Variants in NRG3 observed in about 807,000 individuals in gnomAD.
NRG3 encodes the protein pro-neuregulin-3, membrane-bound isoform.
A neutral mutation model predicts 66.9 loss-of-function variants in NRG3; 31 were observed. That is an observed-to-expected ratio of 0.46 (90% CI 0.35 to 0.63). NRG3 has a LOEUF of 0.63. Ranked by LOEUF, NRG3 falls within the 20% of genes least tolerant of loss-of-function variation. The pLI is 0.00. For synonymous variants in NRG3, 393 were observed against 359.4 expected (o/e 1.09, Z -1.06); for missense variants, 910 against 878.9 (o/e 1.04, Z -0.45).
chr10:82,437,730 TTTG>T (rs1170167836), intron 2 of NRG3, among the ~76,000 whole-genome samples: 3 of 152,100 alleles, frequency 2.0e-5, no homozygotes, highest in South Asian at 2.1e-4. Context: ...GTGGGGGCTT[TTTG>T]TTGTTGTTGT....
intron 1 of NRG3, among the ~76,000 whole-genome samples, chr10:81,934,241 T>C (rs1847655413): frequency 6.6e-6 from 1 of 152,192 alleles, no homozygotes. Context: ...GTGTATGAAA[T>C]CTTCAGTCAA....
intron 2 of NRG3, among the ~76,000 whole-genome samples, chr10:82,706,402 AT>A (rs2056291584): frequency 6.6e-6 from 1 of 152,196 alleles, no homozygotes. Context: ...TGGAGTAATT[AT>A]TTACAAATGT....
intron 3 of NRG3, among the ~76,000 whole-genome samples, chr10:82,864,230 C>T (rs2064300122): frequency 6.6e-6 from 1 of 152,096 alleles, no homozygotes; most frequent in African/African-American, 2.4e-5. Context: ...GCAAAAACCA[C>T]AATTACTTTT....
At chr10:82,600,230 A>T (rs1014032957) in intron 2 of NRG3, among the ~76,000 whole-genome samples, 1 of 152,196 alleles carries the variant, frequency 6.6e-6, no homozygotes, top group South Asian at 2.1e-4. Flanking sequence ...CACAGCTAGA[A>T]ATCTGCACTC....
intron 2 of NRG3, among the ~76,000 whole-genome samples, chr10:82,542,212 T>G (rs1162869253): frequency 6.6e-6 from 1 of 152,158 alleles, no homozygotes; most frequent in East Asian, 1.9e-4. Context: ...CTGAGGATGA[T>G]GGTTTCCAGC....
intron 1 of NRG3, among the ~76,000 whole-genome samples, chr10:82,130,030 C>A (rs1029235736): frequency 1.3e-5 from 2 of 151,844 alleles, no homozygotes; most frequent in African/African-American, 4.8e-5. Context: ...TAGTAACCAT[C>A]ATTCTACTCT....
rs1463795573 is a variant in NRG3, at chr10:81,958,581, T to C, written c.823+82418T>C. The stretch of plus-strand genomic sequence containing the variant: ...AGTGAAAAAATTTTACTCATATGCG[T>C]AAAGTACAGATATACATATAACACA... On this transcript the variant is annotated intron_variant, in intron 1 of 8. Transcript: ENST00000372141. 3.9e-5 allele frequency among the ~76,000 whole-genome samples: 6 copies of C among 152,146 alleles called. No individual in the cohort carries two copies. The East Asian group carries it at 9.6e-4, about 24-fold the overall frequency.
chr10:82,000,550 C>T (rs1293714513), intron 1 of NRG3, among the ~76,000 whole-genome samples: 2 of 152,164 alleles, frequency 1.3e-5, no homozygotes, highest in Non-Finnish European at 2.9e-5. Context: ...CCATGTCCCA[C>T]ACATCAGGAA....
intron 2 of NRG3, among the ~76,000 whole-genome samples, chr10:82,453,837 TGC>T (rs2091145896): frequency 3.3e-5 from 5 of 152,200 alleles, no homozygotes; most frequent in African/African-American, 1.2e-4. Context: ...AATTTGATGA[TGC>T]TTCTAAAGGG....
chr10:82,411,095 T>C (rs1456840064), intron 2 of NRG3, among the ~76,000 whole-genome samples: 1 of 152,136 alleles, frequency 6.6e-6, no homozygotes, highest in Admixed American at 6.6e-5. Context: ...TTTGTATTTT[T>C]AGTACGGACA....
At chr10:81,984,233 G>T (rs2060439171) in intron 1 of NRG3, among the ~76,000 whole-genome samples, 1 of 152,150 alleles carries the variant, frequency 6.6e-6, no homozygotes, top group African/African-American at 2.4e-5. Context: ...TTAAGCCACT[G>T]AAGGTTGTGG....
At chr10:82,249,763 C>A (rs756985346) in intron 1 of NRG3, among the ~76,000 whole-genome samples, 1 of 152,204 alleles carries the variant, frequency 6.6e-6, no homozygotes, top group Non-Finnish European at 1.5e-5. Context: ...ATTATCAGAA[C>A]ACTACTGGCT....
At chr10:81,883,934 T>A (rs1309528258) in intron 1 of NRG3, among the ~76,000 whole-genome samples, 2 of 152,194 alleles carry the variant, frequency 1.3e-5, no homozygotes, top group Non-Finnish European at 2.9e-5. Context: ...AGCTGCCATA[T>A]GTGGAGGGTT....
chr10:82,411,659 T>C (rs754451662), intron 2 of NRG3, among the ~76,000 whole-genome samples: 1 of 152,146 alleles, frequency 6.6e-6, no homozygotes, highest in African/African-American at 2.4e-5. Flanking sequence ...GAGTATTTAC[T>C]CTGAGTTCTA....
chr10:82,157,486 C>T (rs1039557955), intron 1 of NRG3, among the ~76,000 whole-genome samples: 2 of 151,622 alleles, frequency 1.3e-5, no homozygotes, highest in African/African-American at 4.8e-5. Flanking sequence ...AAACTGATAG[C>T]AGGTTAGAGG....
intron 2 of NRG3, among the ~76,000 whole-genome samples, chr10:82,604,941 C>T (rs184250568): frequency 3.4e-4 from 51 of 152,150 alleles, no homozygotes; most frequent in Admixed American, 2.7e-3. Flanking sequence ...GTAACTTTGC[C>T]ATAGTTGCCC....
intron 2 of NRG3, among the ~76,000 whole-genome samples, chr10:82,501,000 A>T (rs549176710): frequency 9.9e-5 from 15 of 152,236 alleles, no homozygotes; most frequent in African/African-American, 3.6e-4. Flanking sequence ...GGAAAAGAAT[A>T]TGCTGAACTT....
intron 2 of NRG3, among the ~76,000 whole-genome samples, chr10:82,455,027 A>C (rs1296602498): frequency 6.6e-6 from 1 of 152,134 alleles, no homozygotes; most frequent in African/African-American, 2.4e-5. Flanking sequence ...TCATTCAGCT[A>C]ATGAGTGGAG....
intron 2 of NRG3, among the ~76,000 whole-genome samples, chr10:82,520,193 G>A (rs999889): frequency 0.43 from 63,725 of 147,378 alleles, 17,331 homozygotes; most frequent in African/African-American, 0.77. Flanking sequence ...TATGAGCCCT[G>A]TAAATGTTAT....
Sources: gnomAD v4.1 joint callset for allele counts (sites outside exome capture counted in the v4.1 genomes callset) on GRCh38, gnomAD v4.1.1 for gene constraint, MANE v1.5 for transcripts, NCBI Gene and HGNC (gene_info 2026-07-23, HGNC 2026-07-21) for gene names.